The following PNMA8B variants were observed in gnomAD, a reference collection of about 807,000 sequenced individuals.
PNMA8B encodes PNMA family member 8B.
For missense variants in PNMA8B, 887 were observed against 885.8 expected (o/e 1.00, Z -0.02); for synonymous variants, 386 against 394.9 (o/e 0.98, Z 0.27).
chr19:46,494,421 C>T lies in PNMA8B; in HGVS notation c.1045G>A (p.Glu349Lys), dbSNP rs1439860341. 1.9e-6 allele frequency: 3 copies of T among 1,613,816 alleles called. No homozygotes were observed. The highest frequency in any genetic ancestry group is 2.5e-6 in the Non-Finnish European group (3 of 1,179,882). Residue 349 changes from glutamate to lysine, a missense_variant, in exon 1 of 1, where the codon GAG becomes AAG. Physicochemically the swap from Glu to Lys is moderately conservative, Grantham distance 56 (BLOSUM62 1). Transcript: ENST00000599531. ...TDPSDPWARE[E>K]MLKIASVIES... ...ATAACAGAAGCGATTTTCAACATCT[C>T]CTCCCGGGCCCAGGGGTCCGACGGG...
chr19:46,493,843 G>A lies in PNMA8B; in HGVS notation c.1623C>T (p.Ala541=). The A allele has an allele frequency of 1.4e-6, 2 of 1,471,694 alleles. No homozygotes were observed. Among genetic ancestry groups the A allele is most frequent in the South Asian group, 2.9e-5 (2 of 69,826 alleles). 91.2% of individuals were successfully genotyped at this position (1,471,694 alleles called of 1,614,324 possible). The part of the protein sequence containing the change: ...RKPRAKRART[A]PRGLTPAGAP... ...CGCCGGCCGGAGTCAGGCCCCTGGG[G>A]GCCGTGCGCGCCCTCTTGGCCCGGG... is the stretch of plus-strand genomic sequence containing the variant. Residue 541 remains alanine, a synonymous_variant, in exon 1 of 1, where the codon GCC becomes GCT. Transcript: ENST00000599531. The surrounding 1 kb of genome is among the most constrained non-coding windows in gnomAD (Gnocchi z 5.3).
rs1970048927 is a variant in PNMA8B at position 46,493,993 on chromosome 19, C to T, written c.1473G>A (p.Leu491=). ...TGGACCCCATGTTCTCCCGGGCGGC[C>T]AGGAGCGCCAATACCTCCCCCAGTT... ...KGKLGEVLAL[L]AARENMGSNE... is the part of the protein sequence containing the mutation. The change falls in exon 1 of 1, where the codon CTG becomes CTA. Residue 491 remains leucine, a synonymous_variant. Transcript: ENST00000599531. This position sits in a 1 kb window ranked among gnomAD's most constrained non-coding sequence, Gnocchi z 5.3. The T allele has an allele frequency of 1.2e-6, 2 of 1,613,634 alleles. No homozygotes were observed. Among genetic ancestry groups the T allele is most frequent in the Non-Finnish European group, 1.7e-6 (2 of 1,179,866 alleles).
In PNMA8B at chr19:46,495,508, C is replaced by A. The variant is rs1212252854; in HGVS notation, c.-43G>T. 2 of 1,558,054 alleles carry A rather than the reference C, an allele frequency of 1.3e-6. No individual in the cohort carries two copies. On this transcript the variant is annotated 5_prime_UTR_variant, in exon 1 of 1. Coordinates refer to ENST00000599531, the MANE Select transcript of PNMA8B (RefSeq NM_020709.3). ...GCTGATCTTGGGGCAGCAGGGAGCC[C>A]GAGATAGGGGTGGGCTGCAGCGCAC...
chr19:46,493,784 C>T lies in PNMA8B; in HGVS notation c.1682G>A (p.Arg561His). Residue 561 changes from arginine (R) to histidine (H), a missense_variant, in exon 1 of 1, where the codon CGC becomes CAC. Arg to His is a conservative substitution (Grantham distance 29). Transcript: ENST00000599531. The surrounding 1 kb of genome is among the most constrained non-coding windows in gnomAD (Gnocchi z 5.3). Reference protein sequence around the residue: ...PPTASGARKTRAGGRGRGRGV... With the variant: ...PPTASGARKTHAGGRGRGRGV... ...CCGGCCTCGGCCTCGGCCGCCCGCGCGGGTTTTGCGGGCCCCGGAAGCGGT... is the reference window on the plus strand; with the variant it reads ...CCGGCCTCGGCCTCGGCCGCCCGCGTGGGTTTTGCGGGCCCCGGAAGCGGT... The T allele has an allele frequency of 7.3e-7, 1 of 1,366,046 alleles. No homozygotes were observed. The highest frequency in any genetic ancestry group is 9.4e-7 in the Non-Finnish European group (1 of 1,066,390). The allele number at this position is 1,366,046 out of a possible 1,614,324, so 84.6% of individuals were successfully genotyped here. A position where few individuals can be genotyped will look rare whatever the true frequency, so the allele number is the denominator to read the frequency against.
chr19:46,493,613 G>A lies in PNMA8B; in HGVS notation c.1853C>T (p.Ala618Val). ...AKGQAPTGSK[A>V]ARGKKARRGR... ...CCGACGGGCCTTCTTCCCGCGCGCG[G>A]CCTTGGATCCAGTGGGCGCCTGGCC... The change falls in exon 1 of 1, where the codon GCC (alanine) becomes GTC (valine). Residue 618 changes from alanine to valine, a missense_variant. Coordinates refer to ENST00000599531, the MANE Select transcript of PNMA8B (RefSeq NM_020709.3). This position sits in a 1 kb window ranked among gnomAD's most constrained non-coding sequence, Gnocchi z 5.3. 1 of 1,517,296 alleles carries A rather than the reference G, an allele frequency of 6.6e-7. No homozygotes were observed. Among genetic ancestry groups the A allele is most frequent in the Non-Finnish European group, 8.7e-7 (1 of 1,144,646 alleles). 94.0% of individuals were successfully genotyped at this position (1,517,296 alleles called of 1,614,324 possible). A position where few individuals can be genotyped will look rare whatever the true frequency, so the allele number is the denominator to read the frequency against.
rs1309218674 is a variant in PNMA8B at position 46,494,976 on chromosome 19, G to A, written c.490C>T (p.Arg164Cys). Residue 164 changes from arginine (R) to cysteine (C), a missense_variant, in exon 1 of 1, where the codon CGC becomes TGC. Physicochemically the swap from Arg to Cys is radical, Grantham distance 180. Transcript: ENST00000599531. Reference sequence around the variant, plus strand: ...CTGTTGCGTCTGGTTCTGTTTCTGCGACCCCGACGGCCCCTCCTTGGGTTC... The same window carrying A: ...CTGTTGCGTCTGGTTCTGTTTCTGCAACCCCGACGGCCCCTCCTTGGGTTC... Reference protein sequence around the residue: ...ARNPRRGRRGRRNRTRRNRLT... With the variant: ...ARNPRRGRRGCRNRTRRNRLT... 3 of 1,608,790 alleles carry A rather than the reference G, an allele frequency of 1.9e-6. No homozygotes were observed. The highest frequency in any genetic ancestry group is 1.1e-5 in the South Asian group (1 of 91,080).
chr19:46,495,087 C>A lies in PNMA8B; in HGVS notation c.379G>T (p.Ala127Ser). 2 of 1,612,732 alleles carry A rather than the reference C, an allele frequency of 1.2e-6. No homozygotes were observed. Among genetic ancestry groups the A allele is most frequent in the Non-Finnish European group, 1.7e-6 (2 of 1,179,800 alleles). ...GTCTCCGAAGCGGGAGGGGTGGGTG[C>A]CTCCCCGGGGGTCCCAGCCTCCGCG... ...QAAEAGTPGE[A>S]PTPPASETQA... The change falls in exon 1 of 1, where the codon GCA becomes TCA. Residue 127 changes from alanine (A) to serine (S), a missense_variant. Physicochemically the swap from Ala to Ser is moderately conservative, Grantham distance 99. Transcript: ENST00000599531.
At position 46,493,582 on chromosome 19, in the gene PNMA8B, C is replaced by G. The variant is rs1970038135; in HGVS notation, c.1884G>C (p.Arg628=). The G allele has an allele frequency of 6.8e-6, 10 of 1,465,174 alleles. No homozygotes were observed. In the South Asian group the frequency reaches 8.3e-5, roughly 12 times the overall value. The allele number at this position is 1,465,174 out of a possible 1,614,324, so 90.8% of individuals were successfully genotyped here. A position where few individuals can be genotyped will look rare whatever the true frequency, so the allele number is the denominator to read the frequency against. ...ACTAGCGGCATTTAGGGGGCAGCCT[C>G]CGGCCCCGACGGGCCTTCTTCCCGC... is the stretch of plus-strand genomic sequence containing the variant. ...AARGKKARRG[R]RLPPKCR is the part of the protein sequence containing the mutation. Residue 628 remains arginine (R), a synonymous_variant, in exon 1 of 1, where the codon CGG becomes CGC. Coordinates refer to ENST00000599531, the MANE Select transcript of PNMA8B (RefSeq NM_020709.3). This position sits in a 1 kb window ranked among gnomAD's most constrained non-coding sequence, Gnocchi z 5.3.
chr19:46,493,475 G>T lies in PNMA8B; in HGVS notation c.*83C>A, dbSNP rs1437988912. 7.1e-6 allele frequency: 6 copies of T among 845,832 alleles called. No individual in the cohort carries two copies. The South Asian group carries it at 2.3e-4, about 33-fold the overall frequency. The allele number at this position is 845,832 out of a possible 1,614,324, so 52.4% of individuals were successfully genotyped here. ...AGATTGCGTCTGCGGAGGACAGGAA[G>T]AGGGGAGGGGAGGGCGGGGGCCACA... On this transcript the variant is annotated 3_prime_UTR_variant, in exon 1 of 1. Transcript: ENST00000599531. The surrounding 1 kb of genome is among the most constrained non-coding windows in gnomAD (Gnocchi z 5.3).
chr19:46,493,183 C>G lies in PNMA8B; in HGVS notation c.*375G>C, dbSNP rs574631293. The G allele has an allele frequency of 3.8e-5, 7 of 184,992 alleles. No individual in the cohort carries two copies. In the South Asian group the frequency reaches 1.3e-3, roughly 36 times the overall value. 11.5% of individuals were successfully genotyped at this position (184,992 alleles called of 1,614,324 possible). ...TACAGCACCTGCCAGGCGCAGGCCC[C>G]GAGAGCGCCACGAAGAGCCCTGCTC... On this transcript the variant is annotated 3_prime_UTR_variant, in exon 1 of 1. Coordinates refer to ENST00000599531, the MANE Select transcript of PNMA8B (RefSeq NM_020709.3). The surrounding 1 kb of genome is among the most constrained non-coding windows in gnomAD (Gnocchi z 5.3).
In PNMA8B at chr19:46,495,471, A is replaced by G; in HGVS notation, c.-6T>C. On this transcript the variant is annotated 5_prime_UTR_variant, in exon 1 of 1. Transcript: ENST00000599531. ...TGCAAAAGGCTCATGGCCATGGTGC[A>G]GCCCCCTTGGCGCTGATCTTGGGGC... 6.3e-7 allele frequency: 1 copy of G among 1,593,566 alleles called. No individual in the cohort carries two copies.
In PNMA8B at chr19:46,495,175, C is replaced by A. The variant is rs768465930; in HGVS notation, c.291G>T (p.Ala97=). 1.1e-5 allele frequency: 18 copies of A among 1,613,914 alleles called. No individual in the cohort carries two copies. Among genetic ancestry groups the A allele is most frequent in the Non-Finnish European group, 1.4e-5 (17 of 1,179,806 alleles). Residue 97 remains alanine (A), a synonymous_variant, in exon 1 of 1, where the codon GCG becomes GCT. Coordinates refer to ENST00000599531, the MANE Select transcript of PNMA8B (RefSeq NM_020709.3). The part of the protein sequence containing the change: ...GVWRVLWKDR[A]QDTRVLRQMR... ...TCTGCCTCAGGACCCTCGTGTCCTG[C>A]GCACGGTCCTTCCACAGAACCCTCC...
rs1601505725 is a variant in PNMA8B at position 46,495,311 on chromosome 19, C to T, written c.155G>A (p.Arg52Gln). ...TLLPLGTFRL[R>Q]HMKALMNEKA... ...CTCGTTCATCAAAGCCTTCATGTGT[C>T]GCAACCTGAACGTGCCCAGGGGCAG... The change falls in exon 1 of 1, where the codon CGA (arginine) becomes CAA (glutamine). Residue 52 changes from arginine to glutamine, a missense_variant. Arg to Gln is a conservative substitution (Grantham distance 43). Transcript: ENST00000599531. 7.3e-7 allele frequency: 1 copy of T among 1,362,290 alleles called. No individual in the cohort carries two copies. The highest frequency in any genetic ancestry group is 1.4e-5 in the African/African-American group (1 of 70,032). The allele number at this position is 1,362,290 out of a possible 1,614,324, so 84.4% of individuals were successfully genotyped here. A position where few individuals can be genotyped will look rare whatever the true frequency, so the allele number is the denominator to read the frequency against.
rs778704053 is a variant in PNMA8B, at chr19:46,493,558, C to A, written c.1908G>T (p.Ter636TyrextTer248). The A allele has an allele frequency of 2.2e-6, 3 of 1,370,890 alleles. No individual in the cohort carries two copies. The highest frequency in any genetic ancestry group is 6.3e-5 in the Admixed American group (2 of 31,594). 84.9% of individuals were successfully genotyped at this position (1,370,890 alleles called of 1,614,324 possible). A position where few individuals can be genotyped will look rare whatever the true frequency, so the allele number is the denominator to read the frequency against. Residue 636 changes from the stop codon to tyrosine, a stop_lost, in exon 1 of 1, where the codon TAG becomes TAT. Transcript: ENST00000599531. The surrounding 1 kb of genome is among the most constrained non-coding windows in gnomAD (Gnocchi z 5.3). ...RGRRLPPKCR* is the reference protein window; with the variant it reads ...RGRRLPPKCRY ...GCCTGGGCGGCTTCTTGGGGGGCCA[C>A]TAGCGGCATTTAGGGGGCAGCCTCC...
chr19:46,492,097 C>T lies in PNMA8B; in HGVS notation c.*1461G>A. On this transcript the variant is annotated 3_prime_UTR_variant, in exon 1 of 1. Transcript: ENST00000599531. ...CAGTCAGCTTCTACATCTGGGTGTC[C>T]CTGACATAGGACTGGGACAGTCTGG... is the stretch of plus-strand genomic sequence containing the variant. 5.1e-6 allele frequency: 2 copies of T among 394,802 alleles called. No individual in the cohort carries two copies. The highest frequency in any genetic ancestry group is 3.6e-5 in the South Asian group (2 of 56,056). The allele number at this position is 394,802 out of a possible 1,614,324, so 24.5% of individuals were successfully genotyped here.
rs1439424450 is a variant in PNMA8B, at chr19:46,494,712, C to T, written c.754G>A (p.Glu252Lys). Residue 252 changes from glutamate (E) to lysine (K), a missense_variant, in exon 1 of 1, where the codon GAG (glutamate) becomes AAG (lysine). Coordinates refer to ENST00000599531, the MANE Select transcript of PNMA8B (RefSeq NM_020709.3). Reference protein sequence around the residue: ...NSEGEEDGPREFLALVTVTDK... With the variant: ...NSEGEEDGPRKFLALVTVTDK... ...GTGACGGTGACCAGAGCCAAGAACT[C>T]GCGGGGACCGTCTTCTTCCCCCTCG... 1 of 1,613,930 alleles carries T rather than the reference C, an allele frequency of 6.2e-7. No individual in the cohort carries two copies. Among genetic ancestry groups the T allele is most frequent in the Non-Finnish European group, 8.5e-7 (1 of 1,179,906 alleles).
rs1339763176 is a variant in PNMA8B, at chr19:46,494,519, G to A, written c.947C>T (p.Ser316Leu). 3.1e-6 allele frequency: 5 copies of A among 1,613,942 alleles called. No homozygotes were observed. Among genetic ancestry groups the A allele is most frequent in the Non-Finnish European group, 4.2e-6 (5 of 1,179,912 alleles). Residue 316 changes from serine to leucine, a missense_variant, in exon 1 of 1, where the codon TCG becomes TTG. Coordinates refer to ENST00000599531, the MANE Select transcript of PNMA8B (RefSeq NM_020709.3). ...PVDSDTSESD[S>L]QESGDQETEE... ...TGTTTCTTGGTCCCCACTTTCCTGC[G>A]AGTCGCTCTCCGAAGTGTCGCTGTC...
Position 46,493,773 on chromosome 19 carries a change from G to A in PNMA8B, c.1693C>T (p.Arg565Ter). The change falls in exon 1 of 1, where the codon CGA becomes TGA. Residue 565 changes from arginine (R) to a stop codon, truncating the protein, a stop_gained. Coordinates refer to ENST00000599531, the MANE Select transcript of PNMA8B (RefSeq NM_020709.3). LOFTEE classifies it low-confidence loss of function (END_TRUNC). The surrounding 1 kb of genome is among the most constrained non-coding windows in gnomAD (Gnocchi z 5.3). ...SGARKTRAGGRGRGRGVTPEK... is the reference protein window; with the variant it reads ...SGARKTRAGG ...GGAGTGACGCCCCGGCCTCGGCCTC[G>A]GCCGCCCGCGCGGGTTTTGCGGGCC... The A allele has an allele frequency of 2.2e-6, 3 of 1,379,884 alleles. No homozygotes were observed. Among genetic ancestry groups the A allele is most frequent in the South Asian group, 1.7e-5 (1 of 58,652 alleles). The allele number at this position is 1,379,884 out of a possible 1,614,324, so 85.5% of individuals were successfully genotyped here.
In PNMA8B at chr19:46,491,630, G is replaced by C. The variant is rs1005303869; in HGVS notation, c.*1928C>G. On this transcript the variant is annotated 3_prime_UTR_variant, in exon 1 of 1. Transcript: ENST00000599531. ...TGGAAGTGGGGAGGCATCAGGGGTG[G>C]GAGTGGAAGCTGGCTCAGATCTGCA... is the stretch of plus-strand genomic sequence containing the variant. The C allele has an allele frequency of 6.5e-6, 1 of 152,718 alleles. No homozygotes were observed. The highest frequency in any genetic ancestry group is 6.6e-5 in the Admixed American group (1 of 15,252). 9.5% of individuals were successfully genotyped at this position (152,718 alleles called of 1,614,324 possible).
Sources: gnomAD v4.1 joint callset for allele counts on GRCh38, gnomAD v4.1.1 for gene constraint, Gnocchi (gnomAD v3.1) non-coding constraint, MANE v1.5 for transcripts, NCBI Gene and HGNC (gene_info 2026-07-23, HGNC 2026-07-21) for gene names.